The following CCBE1 variants were observed in gnomAD, a reference collection of about 807,000 sequenced individuals.
CCBE1 encodes the protein collagen and calcium binding EGF domains 1.
Under a neutral mutation model 50.0 loss-of-function variants are expected in CCBE1, and 37 were observed. The observed-to-expected ratio is 0.74, with a 90% CI of 0.57 to 0.97. The LOEUF (loss-of-function observed/expected upper bound fraction) is 0.97, where lower values mean the gene tolerates loss of function less well. Among genes scored for constraint, CCBE1 ranks in the 50% least tolerant of loss-of-function variants. CCBE1 has a pLI of 0.00. For synonymous variants in CCBE1, 234 were observed against 203.7 expected (o/e 1.15, Z -1.27); for missense variants, 538 against 523.8 (o/e 1.03, Z -0.26).
chr18:59,569,124 T>C (rs2052870532), intron 2 of CCBE1, among the ~76,000 whole-genome samples: 1 of 152,194 alleles, frequency 6.6e-6, no homozygotes, highest in Non-Finnish European at 1.5e-5. Context: ...ACAATTCTCC[T>C]CACATGAGTG....
chr18:59,634,555 C>A, intron 2 of CCBE1, among the ~76,000 whole-genome samples: 1 of 151,946 alleles, frequency 6.6e-6, no homozygotes, highest in East Asian at 1.9e-4. Context: ...GTGAAAAATA[C>A]CGAGGAAAGC....
intron 2 of CCBE1, among the ~76,000 whole-genome samples, chr18:59,494,611 C>G (rs1913261352): frequency 6.6e-6 from 1 of 151,772 alleles, no homozygotes; most frequent in African/African-American, 2.4e-5. Flanking sequence ...AAGTCCAAGA[C>G]TAGAGATTTA....
intron 2 of CCBE1, among the ~76,000 whole-genome samples, chr18:59,545,332 C>CCA (rs761982063): frequency 0.023 from 3,497 of 152,278 alleles, 94 homozygotes; most frequent in East Asian, 0.12. Context: ...GTAAAAAACT[C>CCA]AGTATGCACT....
At chr18:59,545,034 G>A (rs1402773024) in intron 2 of CCBE1, among the ~76,000 whole-genome samples, 1 of 152,116 alleles carries the variant, frequency 6.6e-6, no homozygotes, top group African/African-American at 2.4e-5. Flanking sequence ...TAGGTCATAA[G>A]ATATGCCTTT....
At chr18:59,544,173 A>T (rs1015650614) in intron 2 of CCBE1, among the ~76,000 whole-genome samples, 61 of 152,316 alleles carry the variant, frequency 4.0e-4, no homozygotes, top group African/African-American at 1.4e-3. Flanking sequence ...GCACTACAGG[A>T]ATATTTTAAT....
chr18:59,494,764 T>C (rs1030505051), intron 2 of CCBE1, among the ~76,000 whole-genome samples: 1 of 152,208 alleles, frequency 6.6e-6, no homozygotes, highest in Non-Finnish European at 1.5e-5. Context: ...TGCTGCTTAA[T>C]ATGTTTTAGG....
At chr18:59,666,428 T>G (rs1221577330) in intron 2 of CCBE1, among the ~76,000 whole-genome samples, 1 of 152,090 alleles carries the variant, frequency 6.6e-6, no homozygotes, top group Non-Finnish European at 1.5e-5. Flanking sequence ...AAAGTTCCAT[T>G]TTTGTGAAAA....
At chr18:59,685,649 G>T (rs1397481549) in intron 2 of CCBE1, among the ~76,000 whole-genome samples, 1 of 152,218 alleles carries the variant, frequency 6.6e-6, no homozygotes, top group African/African-American at 2.4e-5. Context: ...CATGACTTTG[G>T]TGTGAAAGGT....
chr18:59,612,442 A>G (rs945787078), intron 2 of CCBE1, among the ~76,000 whole-genome samples: 1 of 152,172 alleles, frequency 6.6e-6, no homozygotes, highest in South Asian at 2.1e-4. Flanking sequence ...AAAAGGCTAC[A>G]GCAATTCTAG....
At chr18:59,592,543 T>C (rs1247636212) in intron 2 of CCBE1, among the ~76,000 whole-genome samples, 1 of 152,228 alleles carries the variant, frequency 6.6e-6, no homozygotes, top group African/African-American at 2.4e-5. Flanking sequence ...AATATATTGA[T>C]AAGCAAAGAA....
chr18:59,441,550 C>G (rs1191013544), intron 7 of CCBE1, among the ~76,000 whole-genome samples: 1 of 151,452 alleles, frequency 6.6e-6, no homozygotes, highest in African/African-American at 2.4e-5. Context: ...GCAGGACAAG[C>G]CTCAGAGGGG....
At chr18:59,663,132 T>A (rs2054307412) in intron 2 of CCBE1, among the ~76,000 whole-genome samples, 1 of 152,186 alleles carries the variant, frequency 6.6e-6, no homozygotes, top group South Asian at 2.1e-4. Context: ...GGAAGAAGGA[T>A]AAGATACTTT....
At chr18:59,533,802 A>T (rs749128062) in intron 2 of CCBE1, among the ~76,000 whole-genome samples, 1 of 152,222 alleles carries the variant, frequency 6.6e-6, no homozygotes, top group Non-Finnish European at 1.5e-5. Flanking sequence ...GTGATATCCA[A>T]GTTACTCAGG....
intron 5 of CCBE1, among the ~76,000 whole-genome samples, chr18:59,455,486 C>T (rs553695107): frequency 1.3e-5 from 2 of 152,306 alleles, no homozygotes; most frequent in South Asian, 2.1e-4. Context: ...GCCACTCCAT[C>T]TGGGGCCATT....
At chr18:59,597,773 G>C (rs775744917) in intron 2 of CCBE1, among the ~76,000 whole-genome samples, 10 of 152,118 alleles carry the variant, frequency 6.6e-5, no homozygotes, top group Non-Finnish European at 1.3e-4. Context: ...TGCATGAATT[G>C]TATCAGTAAT....
At chr18:59,456,473 A>G (rs1230515901) in intron 5 of CCBE1, among the ~76,000 whole-genome samples, 1 of 152,184 alleles carries the variant, frequency 6.6e-6, no homozygotes, top group East Asian at 1.9e-4. Context: ...AGATGAAGGC[A>G]GAGGTGAGAG....
intron 2 of CCBE1, among the ~76,000 whole-genome samples, chr18:59,643,422 A>C (rs2054015919): frequency 6.6e-6 from 1 of 152,196 alleles, no homozygotes. Context: ...AGGACACTCG[A>C]TATCCCAAAT....
At chr18:59,442,705 G>A (rs577771863) in intron 7 of CCBE1, among the ~76,000 whole-genome samples, 3 of 152,198 alleles carry the variant, frequency 2.0e-5, no homozygotes, top group South Asian at 2.1e-4. Flanking sequence ...TCCAGCCTAG[G>A]CAACAGAATG....
At chr18:59,464,444 A>T (rs559760681) in intron 5 of CCBE1, among the ~76,000 whole-genome samples, 6 of 152,218 alleles carry the variant, frequency 3.9e-5, no homozygotes, top group Admixed American at 1.3e-4. Flanking sequence ...TCAAAAACAA[A>T]ACAAAACAAA....
Sources: gnomAD v4.1 joint callset for allele counts (sites outside exome capture counted in the v4.1 genomes callset) on GRCh38, gnomAD v4.1.1 for gene constraint, MANE v1.5 for transcripts, NCBI Gene and HGNC (gene_info 2026-07-23, HGNC 2026-07-21) for gene names.